KLHL8: variants seen among roughly 807,000 people sequenced by gnomAD.
The protein encoded by KLHL8 is kelch like family member 8, also known as kelch-like protein 8.
A neutral mutation model predicts 63.5 loss-of-function variants in KLHL8; 38 were observed. The observed-to-expected ratio is 0.60, with a 90% CI of 0.46 to 0.78. The LOEUF is 0.78. Ranked by LOEUF, KLHL8 falls within the 30% of genes least tolerant of loss-of-function variation. The probability of loss-of-function intolerance (pLI) is 0.00; values close to 1 mark genes in which losing one functional copy is unlikely to be tolerated. For synonymous variants in KLHL8, 224 were observed against 254.3 expected (o/e 0.88, Z 1.13); for missense variants, 566 against 752.4 (o/e 0.75, Z 2.90).
chr4:87,168,995 C>T (rs147835113), intron 8 of KLHL8, among the ~76,000 whole-genome samples: 119 of 148,364 alleles, frequency 8.0e-4, no homozygotes, highest in African/African-American at 2.9e-3. Context: ...TAAACATTGA[C>T]ATGACCTTTA....
chr4:87,163,403 A>G lies in KLHL8; in HGVS notation c.*116T>C. 9.8e-7 allele frequency: 1 copy of G among 1,016,248 alleles called. No individual in the cohort carries two copies. Among genetic ancestry groups the G allele is most frequent in the Non-Finnish European group, 1.4e-6 (1 of 691,492 alleles). The allele number at this position is 1,016,248 out of a possible 1,614,324, so 63.0% of individuals were successfully genotyped here. On this transcript the variant is annotated 3_prime_UTR_variant, in exon 10 of 10. Coordinates refer to ENST00000273963, the MANE Select transcript of KLHL8 (RefSeq NM_020803.5). ...GTACTTAGTCACAATACAACAGTTA[A>G]CATTTAAATAAGACTCTAGTTGCAG...
At chr4:87,213,726 ACAGGCAGTAGGTAAT>A (rs1178259561) in intron 1 of KLHL8, among the ~76,000 whole-genome samples, 1 of 152,262 alleles carries the variant, frequency 6.6e-6, no homozygotes, top group African/African-American at 2.4e-5. Context: ...GGTTTAGCCT[ACAGGCAGTAGGTAAT>A]CAGTTTCCTT....
rs1215426544 is a variant in KLHL8, at chr4:87,164,016, C to G, written c.1601G>C (p.Trp534Ser). 1 of 1,614,076 alleles carries G rather than the reference C, an allele frequency of 6.2e-7. No individual in the cohort carries two copies. The highest frequency in any genetic ancestry group is 8.5e-7 in the Non-Finnish European group (1 of 1,180,046). The stretch of plus-strand genomic sequence containing the variant: ...AGTAGTAAGTGCTGCCACATAATCC[C>G]ACTTGTTGCTTCGGGGGTCATACCG... ...VERYDPRSNK[W>S]DYVAALTTPR... is the part of the protein sequence containing the mutation. The change falls in exon 9 of 10, where the codon TGG becomes TCG. Residue 534 changes from tryptophan (W) to serine (S), a missense_variant. By Grantham distance (177) the Trp-to-Ser change is radical (BLOSUM62 -3). Transcript: ENST00000273963.
intron 2 of KLHL8, among the ~76,000 whole-genome samples, chr4:87,189,120 CG>C (rs1234549397): frequency 2.4e-4 from 36 of 152,248 alleles, no homozygotes; most frequent in African/African-American, 7.7e-4. Context: ...ACACAGAAAA[CG>C]GAAGTGAGGT....
chr4:87,167,726 GA>G (rs1373199652), intron 8 of KLHL8: 4 of 364,466 alleles, frequency 1.1e-5, no homozygotes, highest in African/African-American at 8.4e-5. Flanking sequence ...TGACTGGAAG[GA>G]GCTATGATCC....
rs1338032226 is a variant in KLHL8 at position 87,162,066 on chromosome 4, C to A, written c.*1453G>T. On this transcript the variant is annotated 3_prime_UTR_variant, in exon 10 of 10. Transcript: ENST00000273963. ...GATGCATGAGCTATTAGTCAATGAA[C>A]TTTAGGGCTGGATGGATCAACGAAG... The A allele has an allele frequency of 6.6e-6, 1 of 151,764 alleles. No individual in the cohort carries two copies. The highest frequency in any genetic ancestry group is 2.4e-5 in the African/African-American group (1 of 41,280). The allele number at this position is 151,764 out of a possible 1,614,324, so 9.4% of individuals were successfully genotyped here.
intron 2 of KLHL8, among the ~76,000 whole-genome samples, chr4:87,186,755 C>T (rs903994838): frequency 3.3e-5 from 5 of 152,164 alleles, no homozygotes; most frequent in African/African-American, 1.2e-4. Context: ...GCTAGGATTA[C>T]AGGCATGAGC....
intron 1 of KLHL8, among the ~76,000 whole-genome samples, chr4:87,217,472 C>CCA (rs1471082545): frequency 6.6e-6 from 1 of 151,872 alleles, no homozygotes; most frequent in Non-Finnish European, 1.5e-5. Flanking sequence ...GTAGCTGGGA[C>CCA]CACAGGTGCA....
At position 87,184,565 on chromosome 4, in the gene KLHL8, CT is replaced by C. The variant is rs561063484; in HGVS notation, c.765+685del. Among the ~76,000 whole-genome samples, 24 of 151,964 alleles carry C rather than the reference CT, an allele frequency of 1.6e-4. 1 individual carries two copies. The South Asian group carries it at 5.0e-3, about 32-fold the overall frequency. ...AAAATAAGTAAATAAGAACACTCTT[CT>C]TTTAAGTAGCAAAATGTCATTTTAC... On this transcript the variant is annotated intron_variant, in intron 3 of 9. Coordinates refer to ENST00000273963, the MANE Select transcript of KLHL8 (RefSeq NM_020803.5).
chr4:87,218,180 C>T (rs1224718723), intron 1 of KLHL8, among the ~76,000 whole-genome samples: 1 of 151,906 alleles, frequency 6.6e-6, no homozygotes, highest in Non-Finnish European at 1.5e-5. Flanking sequence ...TGTGAACTTA[C>T]AACTGCTCTA....
chr4:87,207,890 C>G (rs1230185309), intron 1 of KLHL8: 2 of 1,520,516 alleles, frequency 1.3e-6, no homozygotes, highest in Non-Finnish European at 1.8e-6. Context: ...TCGGAGGGCC[C>G]CCTCAAGGGC....
intron 1 of KLHL8, among the ~76,000 whole-genome samples, chr4:87,226,668 AT>A (rs1732987691): frequency 2.3e-5 from 1 of 44,258 alleles, no homozygotes; most frequent in African/African-American, 9.3e-5. Flanking sequence ...TATATATAAT[AT>A]ATATTATTTA....
intron 1 of KLHL8, among the ~76,000 whole-genome samples, chr4:87,228,492 C>T (rs1733072812): frequency 6.6e-6 from 1 of 152,218 alleles, no homozygotes; most frequent in African/African-American, 2.4e-5. Flanking sequence ...TCTACCAAAA[C>T]AGTCTCACTA....
At chr4:87,227,299 C>T (rs969138498) in intron 1 of KLHL8, among the ~76,000 whole-genome samples, 2 of 151,846 alleles carry the variant, frequency 1.3e-5, no homozygotes, top group African/African-American at 4.8e-5. Flanking sequence ...TTCTTTCTTC[C>T]TGGAAGCGAT....
Position 87,170,572 on chromosome 4 carries a change from T to A in KLHL8, c.1252A>T (p.Ile418Phe). Residue 418 changes from isoleucine to phenylalanine, a missense_variant, in exon 7 of 10, where the codon ATT (isoleucine) becomes TTT (phenylalanine). Transcript: ENST00000273963. Reference protein sequence around the residue: ...LASLGGPIYAIGGLDDNTCFN... With the variant: ...LASLGGPIYAFGGLDDNTCFN... ...CAAGTATTGTCATCTAACCCTCCAA[T>A]TGCATAAATTGGGCCTCCTAAGGAA... is the stretch of plus-strand genomic sequence containing the variant. 6.2e-7 allele frequency: 1 copy of A among 1,613,830 alleles called. No individual in the cohort carries two copies. The highest frequency in any genetic ancestry group is 8.5e-7 in the Non-Finnish European group (1 of 1,179,894).
chr4:87,180,495 T>C (rs1426649323), intron 4 of KLHL8, among the ~76,000 whole-genome samples: 9 of 152,246 alleles, frequency 5.9e-5, no homozygotes, highest in Admixed American at 5.2e-4. Context: ...CATTATACCT[T>C]ATGAAGATAT....
At chr4:87,226,675 ATT>A (rs1732989450) in intron 1 of KLHL8, among the ~76,000 whole-genome samples, 1 of 22,358 alleles carries the variant, frequency 4.5e-5, no homozygotes, top group East Asian at 5.6e-3. Flanking sequence ...AATATATATT[ATT>A]TATATATAAT....
intron 6 of KLHL8, among the ~76,000 whole-genome samples, chr4:87,171,727 A>T (rs1730642134): frequency 6.6e-6 from 1 of 152,200 alleles, no homozygotes; most frequent in Non-Finnish European, 1.5e-5. Flanking sequence ...TTTTCATAAC[A>T]TCATACGTTT....
At chr4:87,204,575 C>T (rs1732043218) in intron 1 of KLHL8, among the ~76,000 whole-genome samples, 1 of 152,212 alleles carries the variant, frequency 6.6e-6, no homozygotes, top group South Asian at 2.1e-4. Flanking sequence ...TAACCTTCAA[C>T]AAGTCAATGG....
Sources: allele counts gnomAD v4.1 joint callset (sites outside exome capture counted in the v4.1 genomes callset), GRCh38; gene constraint gnomAD v4.1.1; transcripts MANE v1.5; gene names NCBI Gene and HGNC (gene_info 2026-07-23, HGNC 2026-07-21).